The following PRDM10 variants were observed in gnomAD, a reference collection of about 807,000 sequenced individuals.
The protein encoded by PRDM10 is PR domain zinc finger protein 10.
A neutral mutation model predicts 133.1 loss-of-function variants in PRDM10; 65 were observed. That is an observed-to-expected ratio of 0.49 (90% CI 0.40 to 0.60). The LOEUF is 0.60. PRDM10 is among the 20% of genes least tolerant of loss of function. The pLI is 0.00. For synonymous variants in PRDM10, 582 were observed against 580.4 expected (o/e 1.00, Z -0.04); for missense variants, 1,137 against 1,507.1 (o/e 0.75, Z 4.07).
chr11:129,963,857 A>T (rs1460773682), intron 1 of PRDM10, among the ~76,000 whole-genome samples: 1 of 152,178 alleles, frequency 6.6e-6, no homozygotes, highest in Non-Finnish European at 1.5e-5. Flanking sequence ...AAAGAATACG[A>T]CATTTTTTCT....
At chr11:129,985,799 AAAAAAAAAAAATATAT>A (rs1938390738) in intron 1 of PRDM10, among the ~76,000 whole-genome samples, 2 of 117,726 alleles carry the variant, frequency 1.7e-5, no homozygotes, top group African/African-American at 8.5e-5. Flanking sequence ...AAAAAAAAAA[AAAAAAAAAAAATATAT>A]ATATATATAT....
chr11:129,988,536 C>G (rs1938548709), intron 1 of PRDM10, among the ~76,000 whole-genome samples: 2 of 150,852 alleles, frequency 1.3e-5, no homozygotes, highest in South Asian at 4.2e-4. Flanking sequence ...TTGGCTGAAC[C>G]ATATACATCT....
At chr11:129,920,719 A>C (rs1256330854) in intron 13 of PRDM10, among the ~76,000 whole-genome samples, 1 of 151,856 alleles carries the variant, frequency 6.6e-6, no homozygotes, top group Non-Finnish European at 1.5e-5. Flanking sequence ...CCTAGCTGGC[A>C]AACTGTTTCC....
intron 1 of PRDM10, among the ~76,000 whole-genome samples, chr11:129,970,780 A>G (rs971466441): frequency 6.6e-5 from 10 of 152,094 alleles, no homozygotes; most frequent in African/African-American, 2.2e-4. Flanking sequence ...TCCTGACGTC[A>G]GGTGATCCAC....
chr11:129,959,136 A>G (rs1429414225), intron 2 of PRDM10, among the ~76,000 whole-genome samples: 1 of 152,334 alleles, frequency 6.6e-6, no homozygotes, highest in East Asian at 1.9e-4. Context: ...CTAGTGAAGG[A>G]TAGTAGATCC....
At position 129,913,924 on chromosome 11, in the gene PRDM10, A is replaced by G. The variant is rs900998586; in HGVS notation, c.2841+780T>C. 3.9e-5 allele frequency among the ~76,000 whole-genome samples: 6 copies of G among 152,214 alleles called. No homozygotes were observed. In the South Asian group the frequency reaches 8.3e-4, roughly 21 times the overall value. ...TCACTTTCATTTAGTTCCTTAGTCA[A>G]TAAGAATGAGTTATTCATTATCTGG... On this transcript the variant is annotated intron_variant, in intron 17 of 20. Coordinates refer to ENST00000360871, the MANE Select transcript of PRDM10 (RefSeq NM_199437.2).
chr11:129,977,681 A>G (rs7117507), intron 1 of PRDM10, among the ~76,000 whole-genome samples: 152,265 of 152,342 alleles, frequency 1, 76,094 homozygotes, highest in Middle Eastern at 1. Context: ...GAGGCCAGGC[A>G]CGGTAGCTCA....
chr11:129,999,133 A>G (rs945352958), intron 1 of PRDM10, among the ~76,000 whole-genome samples: 2 of 152,078 alleles, frequency 1.3e-5, no homozygotes, highest in African/African-American at 4.8e-5. Context: ...GTGTTATAAC[A>G]TTAAGAATAA....
At position 129,937,625 on chromosome 11, in the gene PRDM10, G is replaced by A; in HGVS notation, c.1012C>T (p.His338Tyr). The change falls in exon 8 of 21, where the codon CAT becomes TAT. Residue 338 changes from histidine (H) to tyrosine (Y), a missense_variant. This residue lies in a region of PRDM10 where 635 missense variants were observed against 835.2 expected (regional missense o/e 0.76). Coordinates refer to ENST00000360871, the MANE Select transcript of PRDM10 (RefSeq NM_199437.2). ...TTCCTTTCTTCCTCAGAAATGTCAT[G>A]AATTTTCTGGTTCACGAACTCAGCA... The part of the protein sequence containing the change: ...SYAEFVNQKI[H>Y]DISEEERKVL... 1.2e-6 allele frequency: 2 copies of A among 1,613,616 alleles called. No homozygotes were observed. The highest frequency in any genetic ancestry group is 1.7e-6 in the Non-Finnish European group (2 of 1,179,946).
intron 19 of PRDM10, among the ~76,000 whole-genome samples, chr11:129,909,841 T>G (rs1950130755): frequency 6.6e-6 from 1 of 152,192 alleles, no homozygotes; most frequent in Non-Finnish European, 1.5e-5. Flanking sequence ...CCTCCTTTAC[T>G]AGATGATGGT....
intron 19 of PRDM10, among the ~76,000 whole-genome samples, chr11:129,906,846 C>T (rs1041116915): frequency 6.6e-6 from 1 of 151,932 alleles, no homozygotes; most frequent in Non-Finnish European, 1.5e-5. Flanking sequence ...GGCATGGTGG[C>T]GGGTGCCTGT....
chr11:129,978,802 T>C (rs964506848), intron 1 of PRDM10, among the ~76,000 whole-genome samples: 3 of 152,226 alleles, frequency 2.0e-5, no homozygotes, highest in Non-Finnish European at 4.4e-5. Context: ...CGCAAGCAAA[T>C]CTTTCTTCAT....
chr11:129,905,631 A>G lies in PRDM10; in HGVS notation c.3267+7T>C, dbSNP rs746484819. 1 of 1,611,448 alleles carries G rather than the reference A, an allele frequency of 6.2e-7. No individual in the cohort carries two copies. The highest frequency in any genetic ancestry group is 1.1e-5 in the South Asian group (1 of 91,038). ...CAGGAAAAACCCGACCGAGTAGCGT[A>G]GCTTACCGAAGTAACCGCCTTCACC... On this transcript the variant is annotated splice_region_variant and intron_variant, in intron 20 of 20. Coordinates refer to ENST00000360871, the MANE Select transcript of PRDM10 (RefSeq NM_199437.2).
intron 2 of PRDM10, 107 bp downstream of exon 2, chr11:129,960,789 T>A: frequency 8.7e-7 from 1 of 1,143,668 alleles, no homozygotes; most frequent in South Asian, 1.3e-5. Context: ...TCATGTCGGC[T>A]CCTAACGACT....
At chr11:129,910,768 T>A in intron 18 of PRDM10, 112 bp from the exon 19 acceptor site, 1 of 991,044 alleles carries the variant, frequency 1.0e-6, no homozygotes, top group Non-Finnish European at 1.4e-6. Context: ...ATACTGAAAC[T>A]ATCGTTGCTA....
chr11:129,942,233 T>C (rs1395816855), intron 7 of PRDM10, among the ~76,000 whole-genome samples, 193 bp downstream of exon 7: 1 of 152,178 alleles, frequency 6.6e-6, no homozygotes, highest in Non-Finnish European at 1.5e-5. Flanking sequence ...AGCCATATAC[T>C]TTTCATTCTA....
At chr11:129,912,567 T>C (rs191451444) in intron 17 of PRDM10, among the ~76,000 whole-genome samples, 48 of 151,898 alleles carry the variant, frequency 3.2e-4, no homozygotes, top group East Asian at 2.5e-3. Flanking sequence ...CTGGCTAACA[T>C]GGTGAAACCC....
chr11:129,964,880 G>A (rs1565499295), intron 1 of PRDM10, among the ~76,000 whole-genome samples: 1 of 152,190 alleles, frequency 6.6e-6, no homozygotes, highest in Non-Finnish European at 1.5e-5. Context: ...TTGTGAGGGT[G>A]AAATGATGTA....
At chr11:130,000,029 C>T (rs1250574258) in intron 1 of PRDM10, among the ~76,000 whole-genome samples, 1 of 150,824 alleles carries the variant, frequency 6.6e-6, no homozygotes, top group Non-Finnish European at 1.5e-5. Flanking sequence ...TGTTTTTTTT[C>T]ACTCGCTTCT....
Sources: gnomAD v4.1 joint callset for allele counts (sites outside exome capture counted in the v4.1 genomes callset) on GRCh38, gnomAD v4.1.1 for gene constraint, gnomAD v4.1.1 regional missense constraint, MANE v1.5 for transcripts, NCBI Gene and HGNC (gene_info 2026-07-23, HGNC 2026-07-21) for gene names.